MEIKIN: variants seen among roughly 807,000 people sequenced by gnomAD.
MEIKIN encodes meiosis-specific kinetochore protein.
chr5:131,941,834 C>T (rs1350700450), intron 4 of MEIKIN, among the ~76,000 whole-genome samples: 1 of 152,204 alleles, frequency 6.6e-6, no homozygotes, highest in Non-Finnish European at 1.5e-5. Context: ...TATCCAGTTA[C>T]ACAAGCCAGA....
chr5:131,864,018 G>C (rs1580878158), intron 9 of MEIKIN, among the ~76,000 whole-genome samples: 1 of 152,070 alleles, frequency 6.6e-6, no homozygotes, highest in African/African-American at 2.4e-5. Context: ...TGTGAAAATG[G>C]AGTAATTCAC....
At chr5:131,821,493 T>C (rs867245985) in intron 11 of MEIKIN, among the ~76,000 whole-genome samples, 4 of 152,180 alleles carry the variant, frequency 2.6e-5, no homozygotes, top group African/African-American at 9.7e-5. Flanking sequence ...AAATGTTCTA[T>C]AAATATCTAT....
intron 6 of MEIKIN, 46 bp from the exon 7 acceptor site, chr5:131,916,971 G>A (rs1751423748): frequency 2.5e-6 from 1 of 394,668 alleles, no homozygotes; most frequent in African/African-American, 2.1e-5. Context: ...TAATTCGAAG[G>A]CAAAAATTAG....
chr5:131,930,877 G>C (rs1037864455), intron 5 of MEIKIN, among the ~76,000 whole-genome samples: 3 of 151,998 alleles, frequency 2.0e-5, no homozygotes, highest in Admixed American at 6.6e-5. Context: ...ATTCTTATTT[G>C]GTTCATGTAT....
chr5:131,891,308 T>A (rs909292939), intron 8 of MEIKIN, among the ~76,000 whole-genome samples: 74 of 152,270 alleles, frequency 4.9e-4, no homozygotes, highest in Middle Eastern at 3.4e-3. Context: ...TCTAATGTTG[T>A]CAGTGGGTTG....
At chr5:131,819,669 G>T (rs1367835261) in intron 11 of MEIKIN, among the ~76,000 whole-genome samples, 1 of 146,924 alleles carries the variant, frequency 6.8e-6, no homozygotes, top group Non-Finnish European at 1.5e-5. Context: ...GTGTGATCTC[G>T]GCTCAAAGCA....
intron 8 of MEIKIN, among the ~76,000 whole-genome samples, chr5:131,891,201 G>A (rs888252829): frequency 2.0e-5 from 3 of 152,184 alleles, no homozygotes; most frequent in Non-Finnish European, 2.9e-5. Flanking sequence ...CTGTTGATTT[G>A]GGGTGGCGAG....
At chr5:131,944,571 C>T (rs1024819133) in intron 3 of MEIKIN, 94 bp downstream of exon 3, 2 of 397,750 alleles carry the variant, frequency 5.0e-6, no homozygotes, top group African/African-American at 4.1e-5. Flanking sequence ...ATCTACAGAA[C>T]AAAGCCCATT....
intron 9 of MEIKIN, among the ~76,000 whole-genome samples, chr5:131,858,970 G>A (rs1750239202): frequency 6.6e-6 from 1 of 152,194 alleles, no homozygotes; most frequent in Admixed American, 6.5e-5. Context: ...CTTATCCACT[G>A]CTGGTGGGAA....
At chr5:131,899,553 A>C (rs1204922960) in intron 8 of MEIKIN, among the ~76,000 whole-genome samples, 1 of 151,694 alleles carries the variant, frequency 6.6e-6, no homozygotes, top group Non-Finnish European at 1.5e-5. Flanking sequence ...AAAAAAAAAA[A>C]AAAAAAAACA....
At chr5:131,852,006 A>G (rs980273721) in intron 10 of MEIKIN, among the ~76,000 whole-genome samples, 1 of 152,262 alleles carries the variant, frequency 6.6e-6, no homozygotes, top group Non-Finnish European at 1.5e-5. Flanking sequence ...ACAAATGTTC[A>G]TAACAGTATT....
At chr5:131,824,092 T>G (rs1749567558) in intron 11 of MEIKIN, among the ~76,000 whole-genome samples, 1 of 152,204 alleles carries the variant, frequency 6.6e-6, no homozygotes, top group Admixed American at 6.5e-5. Context: ...CCACCACCAA[T>G]GGGACTAAGC....
At position 131,911,813 on chromosome 5, in the gene MEIKIN, A is replaced by G. The variant is rs572027452; in HGVS notation, c.703+2T>C. 105 of 397,536 alleles carry G rather than the reference A, an allele frequency of 2.6e-4. 1 individual carries two copies. Among genetic ancestry groups the G allele is most frequent in the Non-Finnish European group, 2.8e-4 (63 of 225,104 alleles). The allele number at this position is 397,536 out of a possible 1,614,324, so 24.6% of individuals were successfully genotyped here. A position where few individuals can be genotyped will look rare whatever the true frequency, so the allele number is the denominator to read the frequency against. ...AAAATAATTAGTTTCATTATTTGTTACCTGATTCTGAATTTGAAGCACACT... is the reference window on the plus strand; with the variant it reads ...AAAATAATTAGTTTCATTATTTGTTGCCTGATTCTGAATTTGAAGCACACT... On this transcript the variant is annotated splice_donor_variant, in intron 8 of 12. Coordinates refer to ENST00000442687, the MANE Select transcript of MEIKIN (RefSeq NM_001303622.2). LOFTEE classifies it high-confidence loss of function.
chr5:131,844,745 C>G (rs1180137698), intron 11 of MEIKIN, among the ~76,000 whole-genome samples: 1 of 152,132 alleles, frequency 6.6e-6, no homozygotes, highest in Non-Finnish European at 1.5e-5. Context: ...ATTTAACAAG[C>G]AAGAACCCTT....
chr5:131,926,836 A>G (rs1398275841), intron 5 of MEIKIN, among the ~76,000 whole-genome samples: 9 of 152,096 alleles, frequency 5.9e-5, no homozygotes. Flanking sequence ...TCTCATGATT[A>G]TTTTTGTTTC....
intron 10 of MEIKIN, among the ~76,000 whole-genome samples, chr5:131,852,305 T>C (rs1750128996): frequency 6.6e-6 from 1 of 152,118 alleles, no homozygotes; most frequent in Non-Finnish European, 1.5e-5. Flanking sequence ...TCTTCCATGC[T>C]CTCTCCTCTG....
At chr5:131,864,452 A>G (rs1378707918) in intron 9 of MEIKIN, among the ~76,000 whole-genome samples, 1 of 152,214 alleles carries the variant, frequency 6.6e-6, no homozygotes, top group Non-Finnish European at 1.5e-5. Context: ...TGTCTGGGAA[A>G]TACTTTATTT....
intron 9 of MEIKIN, among the ~76,000 whole-genome samples, chr5:131,862,344 T>G (rs778060379): frequency 3.9e-5 from 6 of 152,140 alleles, no homozygotes; most frequent in Non-Finnish European, 8.8e-5. Context: ...CTTCTTTCCT[T>G]GGTTAATCTA....
At chr5:131,808,863 C>G (rs1304811914) in intron 12 of MEIKIN, among the ~76,000 whole-genome samples, 2 of 152,086 alleles carry the variant, frequency 1.3e-5, no homozygotes. Flanking sequence ...ATTGCTTGAG[C>G]CCAGGAGTAC....
Sources: allele counts gnomAD v4.1 joint callset (sites outside exome capture counted in the v4.1 genomes callset), GRCh38; gene constraint gnomAD v4.1.1; transcripts MANE v1.5; gene names NCBI Gene and HGNC (gene_info 2026-07-23, HGNC 2026-07-21).